PARD3: variants seen among roughly 807,000 people sequenced by gnomAD.
PARD3 encodes the protein par-3 family cell polarity regulator.
PARD3 carries 75 observed loss-of-function variants against 155.4 expected under a neutral mutation model. That is an observed-to-expected ratio of 0.48 (90% CI 0.40 to 0.58). The LOEUF is 0.58. Ranked by LOEUF, PARD3 falls within the 20% of genes least tolerant of loss-of-function variation. PARD3 has a pLI of 0.00. For synonymous variants in PARD3, 576 were observed against 610.5 expected (o/e 0.94, Z 0.83); for missense variants, 1,642 against 1,721.7 (o/e 0.95, Z 0.82).
chr10:34,520,698 G>A (rs1365942908), intron 2 of PARD3, among the ~76,000 whole-genome samples: 5 of 152,128 alleles, frequency 3.3e-5, no homozygotes, highest in Non-Finnish European at 7.4e-5. Context: ...AAAAACAAAT[G>A]ACTGTGACTA....
intron 3 of PARD3, among the ~76,000 whole-genome samples, chr10:34,504,902 G>A (rs1260147753): frequency 6.6e-6 from 1 of 152,198 alleles, no homozygotes; most frequent in South Asian, 2.1e-4. Context: ...TATATCAAGT[G>A]CAGCGAGAAG....
intron 14 of PARD3, among the ~76,000 whole-genome samples, chr10:34,352,535 C>T (rs985954730): frequency 2.6e-4 from 39 of 152,342 alleles, no homozygotes; most frequent in African/African-American, 8.9e-4. Flanking sequence ...TTGGTGGAGA[C>T]AGGGTTTCGC....
chr10:34,651,428 C>A (rs2093011447), intron 2 of PARD3, among the ~76,000 whole-genome samples: 1 of 152,180 alleles, frequency 6.6e-6, no homozygotes, highest in Admixed American at 6.5e-5. Context: ...GGATTTACAC[C>A]AGGAATTGGT....
intron 2 of PARD3, among the ~76,000 whole-genome samples, chr10:34,576,644 A>C (rs1259489185): frequency 6.6e-6 from 1 of 152,122 alleles, no homozygotes; most frequent in Non-Finnish European, 1.5e-5. Flanking sequence ...ACTAATCAGA[A>C]CTCTATTGAA....
chr10:34,684,792 C>T (rs979544738), intron 2 of PARD3, among the ~76,000 whole-genome samples: 7 of 100,638 alleles, frequency 7.0e-5, no homozygotes, highest in African/African-American at 2.3e-4. Flanking sequence ...CACACACACA[C>T]ACACACACAC....
intron 2 of PARD3, among the ~76,000 whole-genome samples, chr10:34,549,034 C>G (rs939969224): frequency 2.0e-5 from 3 of 152,240 alleles, no homozygotes; most frequent in Admixed American, 6.5e-5. Flanking sequence ...CAACAGGTAA[C>G]TCAGAGCTCG....
intron 13 of PARD3, 152 bp from the exon 14 acceptor site, chr10:34,359,469 G>A (rs1042207984): frequency 3.4e-6 from 2 of 583,762 alleles, no homozygotes; most frequent in Non-Finnish European, 6.0e-6. Context: ...ATTGAACGCT[G>A]GCATAATAAC....
chr10:34,378,429 G>C (rs748128599), intron 9 of PARD3, among the ~76,000 whole-genome samples: 1 of 151,998 alleles, frequency 6.6e-6, no homozygotes, highest in African/African-American at 2.4e-5. Flanking sequence ...ACTACATGAA[G>C]AAAGAAAAAA....
chr10:34,792,987 G>A (rs976742330), intron 1 of PARD3, among the ~76,000 whole-genome samples: 4 of 152,168 alleles, frequency 2.6e-5, no homozygotes, highest in African/African-American at 9.7e-5. Context: ...ATCTCCCTGG[G>A]TTGTGGGTGG....
At chr10:34,732,983 C>T (rs1377152269) in intron 1 of PARD3, among the ~76,000 whole-genome samples, 2 of 152,106 alleles carry the variant, frequency 1.3e-5, no homozygotes, top group Non-Finnish European at 2.9e-5. Context: ...ATGAAGACTC[C>T]AGTCTAGTGT....
intron 20 of PARD3, among the ~76,000 whole-genome samples, chr10:34,310,018 G>C (rs1182020646): frequency 6.6e-6 from 1 of 151,848 alleles, no homozygotes; most frequent in Non-Finnish European, 1.5e-5. Context: ...TTAAACATAG[G>C]TCAGAAGAAA....
intron 22 of PARD3, among the ~76,000 whole-genome samples, chr10:34,252,492 T>G (rs766324631): frequency 1.3e-5 from 2 of 151,776 alleles, no homozygotes; most frequent in Non-Finnish European, 2.9e-5. Flanking sequence ...CAGAGAGGGG[T>G]CAGGAGAGAC....
intron 23 of PARD3, among the ~76,000 whole-genome samples, chr10:34,129,937 T>G (rs1192179077): frequency 6.6e-6 from 1 of 151,404 alleles, no homozygotes; most frequent in Admixed American, 6.6e-5. Context: ...CCCAAAGTGT[T>G]GGGGTGATGG....
At chr10:34,476,221 T>C (rs554491001) in intron 3 of PARD3, among the ~76,000 whole-genome samples, 5 of 152,320 alleles carry the variant, frequency 3.3e-5, no homozygotes, top group African/African-American at 9.6e-5. Context: ...AAATGTTAAA[T>C]TGTATATTAA....
chr10:34,152,350 T>C (rs139489269), intron 22 of PARD3, among the ~76,000 whole-genome samples: 2 of 152,388 alleles, frequency 1.3e-5, no homozygotes, highest in East Asian at 3.9e-4. Flanking sequence ...TGTAGTCTAC[T>C]ACCCAGCTAG....
At chr10:34,686,091 G>A (rs1281757655) in intron 2 of PARD3, among the ~76,000 whole-genome samples, 2 of 152,068 alleles carry the variant, frequency 1.3e-5, no homozygotes, top group Non-Finnish European at 2.9e-5. Flanking sequence ...AGTTATTTCA[G>A]GTATCACTGC....
intron 22 of PARD3, among the ~76,000 whole-genome samples, chr10:34,171,434 CA>C (rs1366520115): frequency 1.3e-5 from 2 of 152,064 alleles, no homozygotes; most frequent in African/African-American, 4.8e-5. Context: ...AGCCCAAAAC[CA>C]AAAATTCCAC....
chr10:34,461,697 T>C (rs1479508569), intron 4 of PARD3, among the ~76,000 whole-genome samples: 1 of 152,194 alleles, frequency 6.6e-6, no homozygotes, highest in East Asian at 1.9e-4. Flanking sequence ...AAAATTTTGT[T>C]CTATATAATT....
chr10:34,655,928 G>A (rs2093155497), intron 2 of PARD3, among the ~76,000 whole-genome samples: 1 of 152,130 alleles, frequency 6.6e-6, no homozygotes, highest in Non-Finnish European at 1.5e-5. Flanking sequence ...TGAGATTTCT[G>A]ATTTTTAAAT....
Sources: gnomAD v4.1 joint callset for allele counts (sites outside exome capture counted in the v4.1 genomes callset) on GRCh38, gnomAD v4.1.1 for gene constraint, MANE v1.5 for transcripts, NCBI Gene and HGNC (gene_info 2026-07-23, HGNC 2026-07-21) for gene names.